The following UNC80 variants were observed in gnomAD, a reference collection of about 807,000 sequenced individuals.
UNC80 encodes protein unc-80 homolog.
In UNC80, 164 loss-of-function variants were observed where a neutral mutation model predicts 384.6. The ratio of observed to expected loss-of-function variants is 0.43; its 90% CI spans 0.38 to 0.49. The LOEUF (loss-of-function observed/expected upper bound fraction) is 0.49, where lower values mean the gene tolerates loss of function less well. Among genes scored for constraint, UNC80 ranks in the 20% least tolerant of loss-of-function variants. The pLI, the probability that UNC80 is intolerant of heterozygous loss-of-function variation, is 0.00. For missense variants in UNC80, 3,330 were observed against 4,143.0 expected, an observed-to-expected ratio of 0.80 and a Z score of 5.39; for synonymous variants, 1,486 against 1,527.8, an observed-to-expected ratio of 0.97 and a Z score of 0.64.
At chr2:209,916,669 T>C (rs902331336) in intron 31 of UNC80, among the ~76,000 whole-genome samples, 2 of 152,240 alleles carry the variant, frequency 1.3e-5, no homozygotes, top group Non-Finnish European at 1.5e-5. Flanking sequence ...CATTATCTTA[T>C]TGATAAACCA....
In UNC80 at chr2:209,945,034, T is replaced by C. The variant is rs1323990094; in HGVS notation, c.7051-17T>C. 1.3e-6 allele frequency: 2 copies of C among 1,547,846 alleles called. No homozygotes were observed. Among genetic ancestry groups the C allele is most frequent in the Non-Finnish European group, 1.7e-6 (2 of 1,145,766 alleles). On this transcript the variant is annotated splice_polypyrimidine_tract_variant and intron_variant, in intron 45 of 64. Coordinates refer to ENST00000673920, the MANE Select transcript of UNC80 (RefSeq NM_001371986.1). Reference sequence around the variant, plus strand: ...TGTGGTGGGAGTCAATAAACAAAAATTGTTTTTCTTTATCAGGATGCTGCC... The same window carrying C: ...TGTGGTGGGAGTCAATAAACAAAAACTGTTTTTCTTTATCAGGATGCTGCC...
At chr2:209,790,196 C>T (rs1011122080) in intron 6 of UNC80, among the ~76,000 whole-genome samples, 2 of 152,048 alleles carry the variant, frequency 1.3e-5, no homozygotes, top group Non-Finnish European at 2.9e-5. Context: ...GGAATGAAGT[C>T]CGGAGTAATT....
Position 209,973,209 on chromosome 2 carries a change from T to C in UNC80, c.8526T>C (p.Asp2842=), listed in dbSNP as rs778982727. 6.4e-7 allele frequency: 1 copy of C among 1,551,630 alleles called. No homozygotes were observed. Among genetic ancestry groups the C allele is most frequent in the African/African-American group, 1.4e-5 (1 of 73,136 alleles). Residue 2842 remains aspartate, a synonymous_variant, in exon 56 of 65, where the codon GAT becomes GAC. Transcript: ENST00000673920. ...SSPAHCSTPG[D]AGKDLRREGL... ...CAGCCCACTGCTCCACCCCTGGGGA[T>C]GCGGGGAAAGACTTGCGCAGGGAAG...
At position 209,987,574 on chromosome 2, in the gene UNC80, T is replaced by C. The variant is rs1224485277; in HGVS notation, c.9314+2662T>C. ...CAGAAGAATAGAGACATACAGAGGC[T>C]ATTCAAGAACTTATGGCCAGATGTT... On this transcript the variant is annotated intron_variant, in intron 61 of 64. Coordinates refer to ENST00000673920, the MANE Select transcript of UNC80 (RefSeq NM_001371986.1). 5.3e-5 allele frequency among the ~76,000 whole-genome samples: 8 copies of C among 152,190 alleles called. 1 individual carries two copies. The highest frequency in any genetic ancestry group is 5.2e-4 in the Admixed American group (8 of 15,280).
At chr2:209,809,716 A>G (rs916185106) in intron 7 of UNC80, 8 of 480,232 alleles carry the variant, frequency 1.7e-5, no homozygotes, top group African/African-American at 4.0e-5. Flanking sequence ...CCATTTCTGG[A>G]TGCATCAGCC....
At chr2:209,992,542 C>G (rs886449043) in intron 62 of UNC80, among the ~76,000 whole-genome samples, 2 of 152,060 alleles carry the variant, frequency 1.3e-5, no homozygotes, top group Admixed American at 6.6e-5. Flanking sequence ...AACTTTAAAA[C>G]GTGGTAAGTA....
At chr2:209,971,319 A>G (rs1002601197) in intron 54 of UNC80, among the ~76,000 whole-genome samples, 2 of 152,212 alleles carry the variant, frequency 1.3e-5, no homozygotes, top group Non-Finnish European at 2.9e-5. Context: ...AAGAATTGCA[A>G]TATAAAATTC....
At chr2:209,940,180 G>T (rs1559365279) in intron 43 of UNC80, among the ~76,000 whole-genome samples, 1 of 152,104 alleles carries the variant, frequency 6.6e-6, no homozygotes, top group Non-Finnish European at 1.5e-5. Flanking sequence ...GGGTATTTGT[G>T]TGAAGTTCAA....
chr2:209,928,134 G>A (rs994250421), intron 36 of UNC80, among the ~76,000 whole-genome samples: 6 of 152,024 alleles, frequency 3.9e-5, no homozygotes, highest in African/African-American at 1.4e-4. Context: ...TCAGGAGTTC[G>A]AGACCAGCCT....
chr2:209,924,520 G>A (rs1367262223), intron 35 of UNC80, among the ~76,000 whole-genome samples: 1 of 151,974 alleles, frequency 6.6e-6, no homozygotes, highest in Admixed American at 6.6e-5. Context: ...CTTCATTTTT[G>A]TACTTTCTGC....
At chr2:209,822,171 T>C (rs2080181155) in intron 13 of UNC80, among the ~76,000 whole-genome samples, 1 of 152,216 alleles carries the variant, frequency 6.6e-6, no homozygotes, top group Non-Finnish European at 1.5e-5. Flanking sequence ...GAGCCTTTTC[T>C]ATACGATTTT....
chr2:209,979,431 A>G (rs2093100526), intron 59 of UNC80, among the ~76,000 whole-genome samples: 1 of 152,144 alleles, frequency 6.6e-6, no homozygotes, highest in Non-Finnish European at 1.5e-5. Context: ...AGCAAGGAAA[A>G]GTGAGCCGTG....
chr2:209,817,761 A>G (rs114681423), intron 10 of UNC80, 51 bp from the exon 11 acceptor site: 72,979 of 1,547,006 alleles, frequency 0.047, 2,040 homozygotes, highest in Non-Finnish European at 0.054. Context: ...TCTTGGCAGA[A>G]TAACTTTCAG....
At chr2:209,974,800 C>T (rs2092969115) in intron 56 of UNC80, among the ~76,000 whole-genome samples, 1 of 152,218 alleles carries the variant, frequency 6.6e-6, no homozygotes, top group Admixed American at 6.5e-5. Flanking sequence ...TTATACACTG[C>T]TATGTCTTAG....
chr2:209,803,610 G>A (rs1254666489), intron 7 of UNC80, among the ~76,000 whole-genome samples: 2 of 152,162 alleles, frequency 1.3e-5, no homozygotes, highest in Non-Finnish European at 2.9e-5. Flanking sequence ...TCAAAAATAT[G>A]AGGTTCACTC....
In UNC80 at chr2:209,891,262, T is replaced by C. The variant is rs2086297959; in HGVS notation, c.4277-2901T>C. Among the ~76,000 whole-genome samples, 4 of 152,288 alleles carry C rather than the reference T, an allele frequency of 2.6e-5. No individual in the cohort carries two copies. In the South Asian group the frequency reaches 8.3e-4, roughly 32 times the overall value. ...CATATATCATATTCTATTGAATTTA[T>C]GGCCAAAAGAGGCCATGTTGCAGGA... On this transcript the variant is annotated intron_variant, in intron 26 of 64. Transcript: ENST00000673920.
At position 209,813,767 on chromosome 2, in the gene UNC80, C is replaced by T; in HGVS notation, c.1126C>T (p.Pro376Ser). The change falls in exon 8 of 65, where the codon CCT becomes TCT. Residue 376 changes from proline (P) to serine (S), a missense_variant. This residue lies in a region of UNC80 where 937 missense variants were observed against 1,026.8 expected (regional missense o/e 0.91). Transcript: ENST00000673920. ...AGAAAAGCCTCCGGAGCCAGATATTCCTCTCCTGCCCAGACCCAGGAGTAG... is the reference window on the plus strand; with the variant it reads ...AGAAAAGCCTCCGGAGCCAGATATTTCTCTCCTGCCCAGACCCAGGAGTAG... The part of the protein sequence containing the change: ...KPEKPPEPDI[P>S]LLPRPRSSSM... 1.3e-6 allele frequency: 2 copies of T among 1,551,992 alleles called. No homozygotes were observed. Among genetic ancestry groups the T allele is most frequent in the Non-Finnish European group, 1.7e-6 (2 of 1,147,062 alleles).
chr2:209,883,426 C>CTTTT (rs35807077), intron 25 of UNC80, among the ~76,000 whole-genome samples: 46 of 100,532 alleles, frequency 4.6e-4, no homozygotes, highest in Non-Finnish European at 7.5e-4. Flanking sequence ...CCATTCCACT[C>CTTTT]TTTTTTTTTT....
intron 35 of UNC80, among the ~76,000 whole-genome samples, chr2:209,925,853 T>C (rs1441953057): frequency 4.0e-5 from 6 of 149,844 alleles, no homozygotes; most frequent in African/African-American, 1.5e-4. Flanking sequence ...ACAGTATAAG[T>C]CTCTTAACCC....
Sources: gnomAD v4.1 joint callset for allele counts (sites outside exome capture counted in the v4.1 genomes callset) on GRCh38, gnomAD v4.1.1 for gene constraint, gnomAD v4.1.1 regional missense constraint, MANE v1.5 for transcripts, NCBI Gene and HGNC (gene_info 2026-07-23, HGNC 2026-07-21) for gene names.